Variants in PDE8B observed in about 807,000 individuals in gnomAD.
The protein encoded by PDE8B is high affinity cAMP-specific and IBMX-insensitive 3',5'-cyclic phosphodiesterase 8B.
Under a neutral mutation model 101.3 loss-of-function variants are expected in PDE8B, and 26 were observed. That is an observed-to-expected ratio of 0.26 (90% CI 0.19 to 0.36). The LOEUF is 0.36. PDE8B is among the 10% of genes least tolerant of loss of function. The pLI, the probability that PDE8B is intolerant of heterozygous loss-of-function variation, is 1.00. For missense variants in PDE8B, 810 were observed against 1,163.1 expected (o/e 0.70, Z 4.42); for synonymous variants, 424 against 429.3 (o/e 0.99, Z 0.15).
chr5:77,331,309 C>T (rs545939883), intron 4 of PDE8B, 93 bp from the exon 5 acceptor site: 38 of 1,124,742 alleles, frequency 3.4e-5, no homozygotes, highest in South Asian at 3.1e-4. Context: ...TTGGAGCTAA[C>T]GCTGTGTGGC....
the PDE8B span, among the ~76,000 whole-genome samples, chr5:77,117,884 T>A: frequency 6.6e-6 from 1 of 152,206 alleles, no homozygotes; most frequent in African/African-American, 2.4e-5. Flanking sequence ...TGAATGTGAA[T>A]TCAATGCATC....
At position 77,400,283 on chromosome 5, in the gene PDE8B, TCAGA is replaced by T; in HGVS notation, c.1207_1210del (p.Thr403SerfsTer17). 6.3e-7 allele frequency: 1 copy of T among 1,594,212 alleles called. No homozygotes were observed. The highest frequency in any genetic ancestry group is 8.6e-7 in the Non-Finnish European group (1 of 1,161,908). On this transcript the variant is annotated frameshift_variant, in exon 11 of 22. Transcript: ENST00000264917. LOFTEE classifies it high-confidence loss of function. ...TTCATCGTGATTCAGGAGACAATTC[TCAGA>T]CAGGTGAGAATACTTCAATTGAACT...
At chr5:77,135,569 A>G in the PDE8B span, among the ~76,000 whole-genome samples, 1 of 144,712 alleles carries the variant, frequency 6.9e-6, no homozygotes, top group Non-Finnish European at 1.5e-5. Flanking sequence ...CTCCGCCTCC[A>G]GAGTTCAAGC....
At position 77,211,519 on chromosome 5, in the gene PDE8B, A is replaced by G. The variant is rs74713697; in HGVS notation, c.339+255A>G. 0.021 allele frequency among the ~76,000 whole-genome samples: 3,131 copies of G among 152,350 alleles called. 132 individuals carry two copies. Among genetic ancestry groups the G allele is most frequent in the African/African-American group, 0.071 (2,948 of 41,580 alleles). On this transcript the variant is annotated intron_variant, in intron 1 of 21. Transcript: ENST00000264917. This position sits in a 1 kb window ranked among gnomAD's most constrained non-coding sequence, Gnocchi z 4.1. ...GACTGGGCGGGGAAGGGAGCGCAGAAGGAAGCAGGTGGGCTGGCCTGTTCC... is the reference window on the plus strand; with the variant it reads ...GACTGGGCGGGGAAGGGAGCGCAGAGGGAAGCAGGTGGGCTGGCCTGTTCC...
At chr5:77,192,586 TTTGGGTTGTTTCCAG>T in the PDE8B span, among the ~76,000 whole-genome samples, 1 of 152,214 alleles carries the variant, frequency 6.6e-6, no homozygotes, top group African/African-American at 2.4e-5. Flanking sequence ...CTAATGAACA[TTTGGGTTGTTTCCAG>T]TTTGGGGCTA....
At chr5:77,403,732 T>C (rs1792803850) in intron 11 of PDE8B, among the ~76,000 whole-genome samples, 1 of 152,164 alleles carries the variant, frequency 6.6e-6, no homozygotes, top group South Asian at 2.1e-4. Context: ...AGCTATGGTG[T>C]TCAGATTAAC....
At chr5:77,388,192 G>C (rs889988119) in intron 10 of PDE8B, among the ~76,000 whole-genome samples, 1 of 152,106 alleles carries the variant, frequency 6.6e-6, no homozygotes, top group Non-Finnish European at 1.5e-5. Context: ...TTTTGCGCTG[G>C]TGTCTCCCCA....
Position 77,319,287 on chromosome 5 carries a change from A to G in PDE8B, c.400-6252A>G, listed in dbSNP as rs1774497839. ...CTCTTCAGTCCACAAATCACTATGT[A>G]AATAACAAATGTGCAGCATCATCAG... On this transcript the variant is annotated intron_variant, in intron 2 of 21. Coordinates refer to ENST00000264917, the MANE Select transcript of PDE8B (RefSeq NM_003719.5). Among the ~76,000 whole-genome samples, 3 of 152,360 alleles carry G rather than the reference A, an allele frequency of 2.0e-5. No homozygotes were observed. In the South Asian group the frequency reaches 6.2e-4, roughly 32 times the overall value.
At chr5:77,257,295 AAAGTC>A (rs138706371) in intron 1 of PDE8B, among the ~76,000 whole-genome samples, 10,458 of 152,204 alleles carry the variant, frequency 0.069, 419 homozygotes, top group African/African-American at 0.099. Context: ...GGATAAAAGA[AAAGTC>A]AAGAGCCAAC....
rs761553287 is a variant in PDE8B at position 77,412,095 on chromosome 5, C to T, written c.1577-5C>T. On this transcript the variant is annotated splice_polypyrimidine_tract_variant and splice_region_variant and intron_variant, in intron 15 of 21. Transcript: ENST00000264917. ...CAGCCTCCCCCATCCCATCTGTTTGCTCAGATGTGCACCAGAGTCACAGTC... is the reference window on the plus strand; with the variant it reads ...CAGCCTCCCCCATCCCATCTGTTTGTTCAGATGTGCACCAGAGTCACAGTC... 8.7e-6 allele frequency: 14 copies of T among 1,613,808 alleles called. No homozygotes were observed. The highest frequency in any genetic ancestry group is 1.2e-5 in the Non-Finnish European group (14 of 1,179,874).
At chr5:77,284,706 G>A (rs114246879) in intron 1 of PDE8B, among the ~76,000 whole-genome samples, 188 of 152,172 alleles carry the variant, frequency 1.2e-3, no homozygotes, top group Admixed American at 2.4e-3. Context: ...GTTTTTGAAC[G>A]TTAAGTAAAA....
rs891440807 is a variant in PDE8B at position 77,427,975 on chromosome 5, T to A, written c.*1421T>A. On this transcript the variant is annotated 3_prime_UTR_variant, in exon 22 of 22. Coordinates refer to ENST00000264917, the MANE Select transcript of PDE8B (RefSeq NM_003719.5). ...ACTTGTACATGGGGAAAAAATGACTTATCACTACATAATGTGCCAATGTTT... is the reference window on the plus strand; with the variant it reads ...ACTTGTACATGGGGAAAAAATGACTAATCACTACATAATGTGCCAATGTTT... 11 of 152,252 alleles carry A rather than the reference T, an allele frequency of 7.2e-5. No individual in the cohort carries two copies. Among genetic ancestry groups the A allele is most frequent in the African/African-American group, 2.7e-4 (11 of 41,468 alleles). 9.4% of individuals were successfully genotyped at this position (152,252 alleles called of 1,614,324 possible). A position where few individuals can be genotyped will look rare whatever the true frequency, so the allele number is the denominator to read the frequency against.
chr5:77,134,961 C>T, the PDE8B span, among the ~76,000 whole-genome samples: 1 of 152,160 alleles, frequency 6.6e-6, no homozygotes, highest in Non-Finnish European at 1.5e-5. Context: ...GCTTAGATGT[C>T]CCTTTAAGAT....
chr5:77,212,571 A>G (rs1258316160), intron 1 of PDE8B, among the ~76,000 whole-genome samples: 1 of 152,164 alleles, frequency 6.6e-6, no homozygotes, highest in Non-Finnish European at 1.5e-5. Flanking sequence ...TTTATTGAGC[A>G]CCTACTATGT....
intron 1 of PDE8B, chr5:77,290,248 G>A (rs1363155022): frequency 6.4e-7 from 1 of 1,551,920 alleles, no homozygotes; most frequent in Admixed American, 1.9e-5. Context: ...CTTGGACCTT[G>A]GAGCAGGCCT....
chr5:77,307,551 A>G (rs1771520792), intron 1 of PDE8B, among the ~76,000 whole-genome samples: 1 of 152,130 alleles, frequency 6.6e-6, no homozygotes, highest in Admixed American at 6.5e-5. Context: ...TGAGATCAAC[A>G]ATGGTATTTA....
chr5:77,303,601 TAG>T (rs1770484652), intron 1 of PDE8B, among the ~76,000 whole-genome samples: 2 of 151,764 alleles, frequency 1.3e-5, no homozygotes, highest in Non-Finnish European at 2.9e-5. Context: ...AATAAATAAA[TAG>T]GTCATTCACA....
intron 1 of PDE8B, among the ~76,000 whole-genome samples, chr5:77,293,646 A>G (rs1303634548): frequency 6.6e-6 from 1 of 152,240 alleles, no homozygotes; most frequent in East Asian, 1.9e-4. Flanking sequence ...AGTGGGACAT[A>G]GTGTTGCTCA....
chr5:77,107,917 GTAT>G, the PDE8B span, among the ~76,000 whole-genome samples: 1 of 151,966 alleles, frequency 6.6e-6, no homozygotes, highest in African/African-American at 2.4e-5. Context: ...CAGGGAATTC[GTAT>G]TCCCCTCCCC....
Sources: gnomAD v4.1 joint callset for allele counts (sites outside exome capture counted in the v4.1 genomes callset) on GRCh38, gnomAD v4.1.1 for gene constraint, Gnocchi (gnomAD v3.1) non-coding constraint, MANE v1.5 for transcripts, NCBI Gene and HGNC (gene_info 2026-07-23, HGNC 2026-07-21) for gene names.